ESPL1: variants seen among roughly 807,000 people sequenced by gnomAD.
ESPL1 encodes the protein separin.
ESPL1 carries 50 observed loss-of-function variants against 217.2 expected under a neutral mutation model. The ratio of observed to expected loss-of-function variants is 0.23; its 90% CI spans 0.18 to 0.29. ESPL1 has a LOEUF of 0.29. ESPL1 is among the 10% of genes least tolerant of loss of function. The pLI, the probability that ESPL1 is intolerant of heterozygous loss-of-function variation, is 1.00. For missense variants in ESPL1, 1,834 were observed against 2,603.0 expected, an observed-to-expected ratio of 0.70 and a Z score of 6.43; for synonymous variants, 994 against 1,081.3, an observed-to-expected ratio of 0.92 and a Z score of 1.58.
chr12:53,281,413 A>G, intron 12 of ESPL1, 94 bp from the exon 13 acceptor site: 4 of 1,307,096 alleles, frequency 3.1e-6, no homozygotes, highest in Non-Finnish European at 4.3e-6. Context: ...TGCTGGGATT[A>G]CAGGTGTGAG....
chr12:53,290,745 A>G (rs960428232), intron 24 of ESPL1, 96 bp from the exon 25 acceptor site: 43 of 153,030 alleles, frequency 2.8e-4, no homozygotes, highest in Non-Finnish European at 3.5e-4. Flanking sequence ...AGACATGCAC[A>G]TTGGAAAACG....
At position 53,286,183 on chromosome 12, in the gene ESPL1, G is replaced by A. The variant is rs769308952; in HGVS notation, c.3447G>A (p.Ser1149=). The A allele has an allele frequency of 4.3e-6, 7 of 1,614,226 alleles. No individual in the cohort carries two copies. The East Asian group carries it at 6.7e-5, about 15-fold the overall frequency. The change falls in exon 18 of 31, where the codon TCG becomes TCA. Residue 1149 remains serine (S), a synonymous_variant. Coordinates refer to ENST00000257934, the MANE Select transcript of ESPL1 (RefSeq NM_012291.5). The surrounding 1 kb of genome is among the most constrained non-coding windows in gnomAD (Gnocchi z 5.3). ...CCCATTCACCCACCTGTGACTGCTC[G>A]CTCTGCGCCAGCCCTGTCCTCACAG... ...FLSHSPTCDC[S]LCASPVLTAV...
At position 53,288,068 on chromosome 12, in the gene ESPL1, C is replaced by T. The variant is rs749496555; in HGVS notation, c.4273C>T (p.Arg1425Trp). The T allele has an allele frequency of 6.2e-6, 10 of 1,613,420 alleles. No homozygotes were observed. In the South Asian group the frequency reaches 7.7e-5, roughly 12 times the overall value. The change falls in exon 19 of 31, where the codon CGG (arginine) becomes TGG (tryptophan). Residue 1425 changes from arginine to tryptophan, a missense_variant. Physicochemically the swap from Arg to Trp is moderately radical, Grantham distance 101. This residue lies in a region of ESPL1 where 681 missense variants were observed against 808.0 expected (regional missense o/e 0.84). Transcript: ENST00000257934. ...GAGACGGGGCACTGCTTCCCGGGGCCGGGGGCGAGCAAGGAAGGGCCTGAG... is the reference window on the plus strand; with the variant it reads ...GAGACGGGGCACTGCTTCCCGGGGCTGGGGGCGAGCAAGGAAGGGCCTGAG... ...PKRRGTASRG[R>W]GRARKGLSLK...
chr12:53,290,829 C>T lies in ESPL1; in HGVS notation c.5365-12C>T, dbSNP rs574314578. ...TTCCTCTCTGACTGAAGGGTCTGCC[C>T]TCTGCATTCAGGTTCTCATCGCTTC... On this transcript the variant is annotated splice_polypyrimidine_tract_variant and intron_variant, in intron 24 of 30. Coordinates refer to ENST00000257934, the MANE Select transcript of ESPL1 (RefSeq NM_012291.5). The T allele has an allele frequency of 7.7e-5, 113 of 1,463,474 alleles. 3 individuals are homozygous for T. The South Asian group carries it at 1.4e-3, about 18-fold the overall frequency. The allele number at this position is 1,463,474 out of a possible 1,614,324, so 90.7% of individuals were successfully genotyped here.
At chr12:53,271,656 C>T (rs948019916) in intron 5 of ESPL1, among the ~76,000 whole-genome samples, 1 of 151,172 alleles carries the variant, frequency 6.6e-6, no homozygotes, top group Non-Finnish European at 1.5e-5. Context: ...GCACTCCAGC[C>T]TGGGCAACAA....
At chr12:53,289,004 A>C (rs1944006754) in intron 20 of ESPL1, 86 bp from the exon 21 acceptor site, 1 of 1,080,234 alleles carries the variant, frequency 9.3e-7, no homozygotes, top group African/African-American at 1.6e-5. Context: ...GTGGGAGATG[A>C]GATAGGGACT....
chr12:53,289,811 G>A (rs1349536003), intron 22 of ESPL1: 4 of 607,946 alleles, frequency 6.6e-6, no homozygotes, highest in Non-Finnish European at 1.1e-5. Context: ...TTCCTCAGAG[G>A]TGAGTTCAGA....
In ESPL1 at chr12:53,293,478, C is replaced by A. The variant is rs773173835; in HGVS notation, c.*4C>A. 1.2e-6 allele frequency: 2 copies of A among 1,610,354 alleles called. No individual in the cohort carries two copies. The highest frequency in any genetic ancestry group is 8.5e-7 in the Non-Finnish European group (1 of 1,176,696). On this transcript the variant is annotated 3_prime_UTR_variant, in exon 31 of 31. Transcript: ENST00000257934. This position sits in a 1 kb window ranked among gnomAD's most constrained non-coding sequence, Gnocchi z 4.2. ...CTTGCCTGTCTCTCTGCGGTAACCC[C>A]ATGGAGCTGTCTTATTGATGCTAGA... is the stretch of plus-strand genomic sequence containing the variant.
rs766402954 is a variant in ESPL1 at position 53,288,144 on chromosome 12, G to T, written c.4349G>T (p.Gly1450Val). 1.2e-6 allele frequency: 2 copies of T among 1,613,630 alleles called. No homozygotes were observed. Among genetic ancestry groups the T allele is most frequent in the Non-Finnish European group, 1.7e-6 (2 of 1,179,910 alleles). ...VAPGSAPGNP[G>V]LNGRSRRAKK... ...CCAGGTAGTGCCCCTGGGAACCCTG[G>T]CCTGAATGGCAGGAGCCGGAGGGCC... Residue 1450 changes from glycine (G) to valine (V), a missense_variant, in exon 19 of 31, where the codon GGC becomes GTC. Transcript: ENST00000257934.
chr12:53,272,287 AAGT>A (rs1943690417), intron 5 of ESPL1, among the ~76,000 whole-genome samples: 1 of 152,152 alleles, frequency 6.6e-6, no homozygotes, highest in Non-Finnish European at 1.5e-5. Context: ...GGGAAAGGAA[AAGT>A]AGAGCAGGAT....
chr12:53,277,964 A>T lies in ESPL1; in HGVS notation c.2364+4A>T. The T allele has an allele frequency of 1.9e-6, 3 of 1,613,068 alleles. No homozygotes were observed. The highest frequency in any genetic ancestry group is 2.5e-6 in the Non-Finnish European group (3 of 1,179,752). Reference sequence around the variant, plus strand: ...CCTCTACCAGCTGGTGGCAAAGGTAATGGGGTGGGGCATTGAGGGGGACCC... The same window carrying T: ...CCTCTACCAGCTGGTGGCAAAGGTATTGGGGTGGGGCATTGAGGGGGACCC... On this transcript the variant is annotated splice_donor_region_variant and intron_variant, in intron 11 of 30. Coordinates refer to ENST00000257934, the MANE Select transcript of ESPL1 (RefSeq NM_012291.5).
intron 3 of ESPL1, 84 bp from the exon 4 acceptor site, chr12:53,270,294 G>A: frequency 9.2e-7 from 1 of 1,087,550 alleles, no homozygotes; most frequent in East Asian, 2.4e-5. Flanking sequence ...GGCTCTGTCA[G>A]CTCTCCAGGA....
At chr12:53,274,445 C>G (rs1055863951) in intron 6 of ESPL1, 1 of 199,154 alleles carries the variant, frequency 5.0e-6, no homozygotes, top group Non-Finnish European at 1.0e-5. Flanking sequence ...TGGATCGGTG[C>G]GAGAAGCCAA....
Position 53,282,991 on chromosome 12 carries a change from G to A in ESPL1, c.2792-138G>A, listed in dbSNP as rs2084797456. On this transcript the variant is annotated intron_variant, in intron 14 of 30. Transcript: ENST00000257934. This position sits in a 1 kb window ranked among gnomAD's most constrained non-coding sequence, Gnocchi z 4.0. ...TCTGAGACCCCAGGGGATCTCAGAG[G>A]GAAGGAGTTATGAGATTGATTAGCT... 1 of 1,120,042 alleles carries A rather than the reference G, an allele frequency of 8.9e-7. No homozygotes were observed. The highest frequency in any genetic ancestry group is 1.3e-6 in the Non-Finnish European group (1 of 776,044). The allele number at this position is 1,120,042 out of a possible 1,614,324, so 69.4% of individuals were successfully genotyped here.
At chr12:53,276,338 G>A (rs1943764923) in intron 7 of ESPL1, among the ~76,000 whole-genome samples, 1 of 152,222 alleles carries the variant, frequency 6.6e-6, no homozygotes, top group South Asian at 2.1e-4. Context: ...TAGAATAGCG[G>A]TATAGGATGG....
chr12:53,286,568 G>A lies in ESPL1; in HGVS notation c.3832G>A (p.Gly1278Ser), dbSNP rs946286628. 2 of 1,614,048 alleles carry A rather than the reference G, an allele frequency of 1.2e-6. No homozygotes were observed. The highest frequency in any genetic ancestry group is 1.7e-6 in the Non-Finnish European group (2 of 1,180,048). Residue 1278 changes from glycine to serine, a missense_variant, in exon 18 of 31, where the codon GGT (glycine) becomes AGT (serine). Physicochemically the swap from Gly to Ser is moderately conservative, Grantham distance 56. Around this residue, in one of 5 missense-constraint regions of ESPL1, gnomAD observed 681 missense variants for 808.0 expected, o/e 0.84. Transcript: ENST00000257934. This position sits in a 1 kb window ranked among gnomAD's most constrained non-coding sequence, Gnocchi z 5.3. ...CTTGATTTGGGCCCTCACAAAACTA[G>A]GTGGCCTCAGCTGCTGTACTACCCA... is the stretch of plus-strand genomic sequence containing the variant. ...LLLIWALTKLGGLSCCTTQLF... is the reference protein window; with the variant it reads ...LLLIWALTKLSGLSCCTTQLF...
intron 6 of ESPL1, among the ~76,000 whole-genome samples, chr12:53,273,525 G>A (rs1459172396): frequency 6.6e-6 from 1 of 151,214 alleles, no homozygotes; most frequent in Non-Finnish European, 1.5e-5. Flanking sequence ...TTGGGAGGCT[G>A]AGGCAGGTGG....
rs1565767019 is a variant in ESPL1 at position 53,292,219 on chromosome 12, G to T, written c.5797-59G>T. On this transcript the variant is annotated intron_variant, in intron 27 of 30. Transcript: ENST00000257934. This position sits in a 1 kb window ranked among gnomAD's most constrained non-coding sequence, Gnocchi z 4.5. ...TCAGACATGGAAAGGGGCTGAGATT[G>T]TTAGAGCTTGGGCCTCTTGGTGAGA... The T allele has an allele frequency of 1.4e-6, 2 of 1,461,424 alleles. No homozygotes were observed. The highest frequency in any genetic ancestry group is 2.3e-5 in the East Asian group (1 of 44,164). 90.5% of individuals were successfully genotyped at this position (1,461,424 alleles called of 1,614,324 possible).
Position 53,286,338 on chromosome 12 carries a change from C to T in ESPL1, c.3602C>T (p.Ala1201Val), listed in dbSNP as rs1380938312. Residue 1201 changes from alanine (A) to valine (V), a missense_variant, in exon 18 of 31, where the codon GCT becomes GTT. This residue lies in a region of ESPL1 where 681 missense variants were observed against 808.0 expected (regional missense o/e 0.84). Transcript: ENST00000257934. The surrounding 1 kb of genome is among the most constrained non-coding windows in gnomAD (Gnocchi z 5.3). The stretch of plus-strand genomic sequence containing the variant: ...GAAGCCGCTGAGCGCCTCACCCAAG[C>T]TCTCCAAGCTTCCCTGAATCATAAA... ...CPEAAERLTQ[A>V]LQASLNHKTP... is the part of the protein sequence containing the mutation. The T allele has an allele frequency of 1.2e-6, 2 of 1,614,114 alleles. No individual in the cohort carries two copies. Among genetic ancestry groups the T allele is most frequent in the Non-Finnish European group, 1.7e-6 (2 of 1,180,040 alleles).
Sources: allele counts gnomAD v4.1 joint callset (sites outside exome capture counted in the v4.1 genomes callset), GRCh38; gene constraint gnomAD v4.1.1; regional missense constraint gnomAD v4.1.1; non-coding constraint Gnocchi (gnomAD v3.1); transcripts MANE v1.5; gene names NCBI Gene and HGNC (gene_info 2026-07-23, HGNC 2026-07-21).